Variants in LOXHD1 observed in about 807,000 individuals in gnomAD.
LOXHD1 encodes lipoxygenase homology PLAT domains 1.
In LOXHD1, 205 loss-of-function variants were observed where a neutral mutation model predicts 248.2. The observed-to-expected ratio is 0.83, with a 90% CI of 0.74 to 0.93. The LOEUF is 0.93. Among genes scored for constraint, LOXHD1 ranks in the 40% least tolerant of loss-of-function variants. The pLI is 0.00. For missense variants in LOXHD1, 2,930 were observed against 2,971.6 expected (o/e 0.99, Z 0.33); for synonymous variants, 1,113 against 1,162.8 (o/e 0.96, Z 0.87).
rs1478469981 is a variant in LOXHD1 at position 46,477,865 on chromosome 18, GCTCT to G, written c.6425_6428del (p.Glu2142AlafsTer18). Reference sequence around the variant, plus strand: ...CCAGGCTCTGGACCTTGCTGGCAAAGCTCTCTGTCGTCTTGGTAACCTCGAATAC... The same window carrying G: ...CCAGGCTCTGGACCTTGCTGGCAAAGCTGTCGTCTTGGTAACCTCGAATAC... On this transcript the variant is annotated frameshift_variant, in exon 41 of 41. Coordinates refer to ENST00000642948, the MANE Select transcript of LOXHD1 (RefSeq NM_001384474.1). LOFTEE classifies it high-confidence loss of function. 4 of 1,551,686 alleles carry G rather than the reference GCTCT, an allele frequency of 2.6e-6. No individual in the cohort carries two copies. The highest frequency in any genetic ancestry group is 3.5e-6 in the Non-Finnish European group (4 of 1,147,026).
intron 2 of LOXHD1, among the ~76,000 whole-genome samples, chr18:46,644,216 G>A (rs2038999048): frequency 1.3e-5 from 2 of 152,142 alleles, no homozygotes; most frequent in South Asian, 4.1e-4. Flanking sequence ...ATCTTCTGAT[G>A]GTGCCTGAAA....
At chr18:46,594,141 A>G (rs1486695606) in intron 9 of LOXHD1, among the ~76,000 whole-genome samples, 190 bp downstream of exon 9, 3 of 151,450 alleles carry the variant, frequency 2.0e-5, no homozygotes, top group Non-Finnish European at 4.4e-5. Flanking sequence ...CAGGGGTGTG[A>G]CTCTATATGG....
At chr18:46,550,635 A>G (rs946251274) in intron 21 of LOXHD1, among the ~76,000 whole-genome samples, 4 of 149,738 alleles carry the variant, frequency 2.7e-5, no homozygotes, top group African/African-American at 9.8e-5. Context: ...TCAGTTTTCC[A>G]CTATAAGGAC....
At chr18:46,509,877 G>GTTGGGGGGGGC in intron 34 of LOXHD1, 62 bp from the exon 35 acceptor site, 1 of 551,742 alleles carries the variant, frequency 1.8e-6, no homozygotes, top group Non-Finnish European at 3.4e-6. Context: ...GTTGGGGTGG[G>GTTGGGGGGGGC]CCAGGCCAGA....
chr18:46,612,488 T>C lies in LOXHD1; in HGVS notation c.611-1564A>G, dbSNP rs2038522790. Among the ~76,000 whole-genome samples the C allele has an allele frequency of 2.6e-5, 4 of 152,202 alleles. No individual in the cohort carries two copies. The South Asian group carries it at 8.3e-4, about 32-fold the overall frequency. The stretch of plus-strand genomic sequence containing the variant: ...TTTGGGGAGATTGAGAATATGTTCA[T>C]GAATATATTTTGGCCATTTAGGCTT... On this transcript the variant is annotated intron_variant, in intron 5 of 40. Transcript: ENST00000642948.
At chr18:46,547,119 G>A in intron 21 of LOXHD1, 61 bp from the exon 22 acceptor site, 1 of 1,538,732 alleles carries the variant, frequency 6.5e-7, no homozygotes, top group Admixed American at 2.0e-5. Context: ...TCCAGGAGCA[G>A]TCATGGGCTG....
intron 6 of LOXHD1, among the ~76,000 whole-genome samples, chr18:46,605,006 T>A (rs7351019): frequency 0.12 from 18,478 of 152,108 alleles, 1,777 homozygotes; most frequent in African/African-American, 0.28. Context: ...CACAAAAAAA[T>A]TTATTTTAAA....
In LOXHD1 at chr18:46,639,596, A is replaced by C. The variant is rs2038936948; in HGVS notation, c.511+20T>G. On this transcript the variant is annotated intron_variant, in intron 4 of 40. Coordinates refer to ENST00000642948, the MANE Select transcript of LOXHD1 (RefSeq NM_001384474.1). ...GCCCAGCTAGGGAGGGATGGCAGGC[A>C]GGCCAGCCTAGGCACTGACCTCTGG... 6.5e-6 allele frequency: 10 copies of C among 1,541,958 alleles called. No individual in the cohort carries two copies. In the Admixed American group the frequency reaches 2.0e-4, roughly 30 times the overall value.
intron 28 of LOXHD1, among the ~76,000 whole-genome samples, chr18:46,530,985 A>G (rs1031215599): frequency 4.6e-5 from 7 of 152,078 alleles, no homozygotes; most frequent in Admixed American, 3.9e-4. Flanking sequence ...CTTATTACCT[A>G]GAGGGCGTCT....
At chr18:46,487,564 G>A (rs555191739) in intron 38 of LOXHD1, among the ~76,000 whole-genome samples, 3 of 152,204 alleles carry the variant, frequency 2.0e-5, no homozygotes, top group Non-Finnish European at 2.9e-5. Context: ...TGGGTTGGAT[G>A]GAGCTGAGAG....
chr18:46,541,803 C>T lies in LOXHD1; in HGVS notation c.3886G>A (p.Glu1296Lys). ...GSIIRDLFHA[E>K]LQTRLYTPFV... ...GGTGTGTACAGCCTCGTCTGAAGCTCTGCATGGAAGAGGTCTCTGATGATG... is the reference window on the plus strand; with the variant it reads ...GGTGTGTACAGCCTCGTCTGAAGCTTTGCATGGAAGAGGTCTCTGATGATG... The change falls in exon 25 of 41, where the codon GAG (glutamate) becomes AAG (lysine). Residue 1296 changes from glutamate to lysine, a missense_variant. Transcript: ENST00000642948. 1 of 1,551,744 alleles carries T rather than the reference C, an allele frequency of 6.4e-7. No homozygotes were observed. The highest frequency in any genetic ancestry group is 8.7e-7 in the Non-Finnish European group (1 of 1,147,002).
In LOXHD1 at chr18:46,579,759, GCA is replaced by G. The variant is rs1195671246; in HGVS notation, c.1678_1679del (p.Cys560HisfsTer3). 1 of 1,551,808 alleles carries G rather than the reference GCA, an allele frequency of 6.4e-7. No homozygotes were observed. The highest frequency in any genetic ancestry group is 8.7e-7 in the Non-Finnish European group (1 of 1,147,020). ...MGMARYHVTV[C>X]TGELEGAGTD... is the part of the protein sequence containing the mutation. ...TCCCAGCACCTTCAAGTTCACCTGT[GCA>G]CACAGTCACATGGTACCGGGCCACT... On this transcript the variant is annotated frameshift_variant, in exon 13 of 41. Transcript: ENST00000642948. LOFTEE classifies it high-confidence loss of function.
At chr18:46,644,780 C>T (rs965546668) in intron 2 of LOXHD1, among the ~76,000 whole-genome samples, 5 of 152,044 alleles carry the variant, frequency 3.3e-5, no homozygotes, top group South Asian at 2.1e-4. Context: ...CCAGGCTGAA[C>T]GTGAATACAT....
rs781736449 is a variant in LOXHD1 at position 46,618,323 on chromosome 18, A to G, written c.512-33T>C. On this transcript the variant is annotated intron_variant, in intron 4 of 40. Transcript: ENST00000642948. ...CAAGGAGAGAGAAAAACCTTAGCTC[A>G]TCAGGATCCTGAAAAGAGAATAGAG... The G allele has an allele frequency of 7.6e-6, 11 of 1,454,836 alleles. No homozygotes were observed. In the South Asian group the frequency reaches 1.1e-4, roughly 15 times the overall value. 90.1% of individuals were successfully genotyped at this position (1,454,836 alleles called of 1,614,324 possible).
rs2032921631 is a variant in LOXHD1 at position 46,485,000 on chromosome 18, A to G, written c.6182+19T>C. 1 of 1,476,596 alleles carries G rather than the reference A, an allele frequency of 6.8e-7. No homozygotes were observed. Among genetic ancestry groups the G allele is most frequent in the African/African-American group, 1.4e-5 (1 of 71,186 alleles). The allele number at this position is 1,476,596 out of a possible 1,614,324, so 91.5% of individuals were successfully genotyped here. A position where few individuals can be genotyped will look rare whatever the true frequency, so the allele number is the denominator to read the frequency against. On this transcript the variant is annotated intron_variant, in intron 39 of 40. Coordinates refer to ENST00000642948, the MANE Select transcript of LOXHD1 (RefSeq NM_001384474.1). ...ACCTACCCACCCCCCACCACTTCCCATGGGCCTCCCCTTCCTACTTCCTAA... is the reference window on the plus strand; with the variant it reads ...ACCTACCCACCCCCCACCACTTCCCGTGGGCCTCCCCTTCCTACTTCCTAA...
Position 46,560,080 on chromosome 18 carries a change from T to TA in LOXHD1, c.3061+2dup. 2 of 488,106 alleles carry TA rather than the reference T, an allele frequency of 4.1e-6. No individual in the cohort carries two copies. Among genetic ancestry groups the TA allele is most frequent in the Non-Finnish European group, 6.8e-6 (2 of 294,868 alleles). The allele number at this position is 488,106 out of a possible 1,614,324, so 30.2% of individuals were successfully genotyped here. On this transcript the variant is annotated splice_region_variant and intron_variant, in intron 19 of 40. Coordinates refer to ENST00000642948, the MANE Select transcript of LOXHD1 (RefSeq NM_001384474.1). Reference sequence around the variant, plus strand: ...CCACCCCCACCCCCCACGACCCACTTACGCTCAGGACCCGGCTTGCCAGCT... The same window carrying TA: ...CCACCCCCACCCCCCACGACCCACTTAACGCTCAGGACCCGGCTTGCCAGCT...
At chr18:46,600,392 A>G (rs1222056866) in intron 8 of LOXHD1, among the ~76,000 whole-genome samples, 3 of 152,200 alleles carry the variant, frequency 2.0e-5, no homozygotes, top group African/African-American at 7.2e-5. Context: ...TGAGGTCAGG[A>G]GTTCAAGTCC....
chr18:46,570,174 C>CA (rs2144086041), intron 15 of LOXHD1, among the ~76,000 whole-genome samples: 1 of 152,352 alleles, frequency 6.6e-6, no homozygotes, highest in African/African-American at 2.4e-5. Flanking sequence ...GTGAAACTCT[C>CA]ATGTGGACTT....
intron 14 of LOXHD1, among the ~76,000 whole-genome samples, chr18:46,573,938 G>A (rs2037805251): frequency 6.6e-6 from 1 of 152,088 alleles, no homozygotes; most frequent in Non-Finnish European, 1.5e-5. Context: ...TAATGACAGG[G>A]GGATTTGGGA....
Sources: gnomAD v4.1 joint callset for allele counts (sites outside exome capture counted in the v4.1 genomes callset) on GRCh38, gnomAD v4.1.1 for gene constraint, MANE v1.5 for transcripts, NCBI Gene and HGNC (gene_info 2026-07-23, HGNC 2026-07-21) for gene names.